The following COL6A3 variants were observed in gnomAD, a reference collection of about 807,000 sequenced individuals.
The protein encoded by COL6A3 is collagen alpha-3(VI) chain.
COL6A3 carries 137 observed loss-of-function variants against 274.1 expected under a neutral mutation model. The ratio of observed to expected loss-of-function variants is 0.50; its 90% CI spans 0.44 to 0.58. The LOEUF is 0.58. COL6A3 is among the 20% of genes least tolerant of loss of function. The pLI is 0.00. For synonymous variants in COL6A3, 1,650 were observed against 1,650.6 expected, an observed-to-expected ratio of 1.00 and a Z score of 0.01; for missense variants, 3,950 against 4,124.9, an observed-to-expected ratio of 0.96 and a Z score of 1.16.
At position 237,382,891 on chromosome 2, in the gene COL6A3, G is replaced by A. The variant is rs190033304; in HGVS notation, c.1313-1392C>T. ...CAACCTCCGCTTCCTGGGTTCAAGC[G>A]ATTCTCCCACCTCAGCCTCCTGAGT... On this transcript the variant is annotated intron_variant, in intron 4 of 43. Transcript: ENST00000295550. Among the ~76,000 whole-genome samples the A allele has an allele frequency of 3.1e-3, 471 of 152,212 alleles. 2 individuals are homozygous for A. Among genetic ancestry groups the A allele is most frequent in the Middle Eastern group, 0.024 (7 of 294 alleles).
In COL6A3 at chr2:237,374,216, T is replaced by A. The variant is rs182945014; in HGVS notation, c.3679+196A>T. Among the ~76,000 whole-genome samples the A allele has an allele frequency of 5.3e-5, 8 of 152,244 alleles. No individual in the cohort carries two copies. Among genetic ancestry groups the A allele is most frequent in the Admixed American group, 3.9e-4 (6 of 15,286 alleles). On this transcript the variant is annotated intron_variant, in intron 8 of 43. Coordinates refer to ENST00000295550, the MANE Select transcript of COL6A3 (RefSeq NM_004369.4). This position sits in a 1 kb window ranked among gnomAD's most constrained non-coding sequence, Gnocchi z 4.8. ...TTGCCCCAAAACATGAATCTTAGCATCTCCCCCCTTGAACCTCTGCCATTT... is the reference window on the plus strand; with the variant it reads ...TTGCCCCAAAACATGAATCTTAGCAACTCCCCCCTTGAACCTCTGCCATTT...
intron 8 of COL6A3, 31 bp from the exon 9 acceptor site, chr2:237,372,368 T>A (rs1465173936): frequency 6.2e-7 from 1 of 1,600,826 alleles, no homozygotes; most frequent in South Asian, 1.1e-5. Context: ...TGGCTTCACC[T>A]TCATCGTCAC....
chr2:237,350,635 T>C (rs1396964970), intron 27 of COL6A3, among the ~76,000 whole-genome samples: 1 of 152,044 alleles, frequency 6.6e-6, no homozygotes, highest in African/African-American at 2.4e-5. Context: ...AGAAAGGAGG[T>C]TCTCAGGCAG....
At chr2:237,382,874 G>A (rs564153351) in intron 4 of COL6A3, among the ~76,000 whole-genome samples, 4 of 152,228 alleles carry the variant, frequency 2.6e-5, no homozygotes, top group East Asian at 3.9e-4. Flanking sequence ...TGCAACCTCC[G>A]CTTCCTGGGT....
rs1368460175 is a variant in COL6A3, at chr2:237,381,107, C to A, written c.1705G>T (p.Ala569Ser). The A allele has an allele frequency of 3.1e-6, 5 of 1,614,134 alleles. No individual in the cohort carries two copies. The highest frequency in any genetic ancestry group is 1.3e-5 in the African/African-American group (1 of 74,944). The change falls in exon 5 of 44, where the codon GCC becomes TCC. Residue 569 changes from alanine to serine, a missense_variant. Around this residue, in one of 5 missense-constraint regions of COL6A3, gnomAD observed 1,934 missense variants for 1,984.3 expected, o/e 0.97. Coordinates refer to ENST00000295550, the MANE Select transcript of COL6A3 (RefSeq NM_004369.4). ...GKSLDEISQPAQELKRSSIMA... is the reference protein window; with the variant it reads ...GKSLDEISQPSQELKRSSIMA... ...ATGCTGCTTCTCTTCAGCTCCTGGG[C>A]AGGCTGGCTGATTTCATCTAGGGAC...
In COL6A3 at chr2:237,360,172, A is replaced by T; in HGVS notation, c.6211-13T>A. ...GACCACGCTCACCCTGTTGTGAGAG[A>T]CAAAGGCATTTTGCAAGCTGGAGCC... On this transcript the variant is annotated splice_polypyrimidine_tract_variant and intron_variant, in intron 16 of 43. Transcript: ENST00000295550. 6.2e-7 allele frequency: 1 copy of T among 1,613,966 alleles called. No individual in the cohort carries two copies. The highest frequency in any genetic ancestry group is 8.5e-7 in the Non-Finnish European group (1 of 1,179,940).
chr2:237,371,473 C>T lies in COL6A3; in HGVS notation c.4285+259G>A, dbSNP rs923861447. On this transcript the variant is annotated intron_variant, in intron 9 of 43. Coordinates refer to ENST00000295550, the MANE Select transcript of COL6A3 (RefSeq NM_004369.4). This position sits in a 1 kb window ranked among gnomAD's most constrained non-coding sequence, Gnocchi z 4.3. ...ATTAGCCGGGCGTGGTGGTATGAAC[C>T]TGTAGTCCTAGCTACTGAGGAGGCT... The T allele has an allele frequency of 1.1e-4, 62 of 588,162 alleles. No individual in the cohort carries two copies. Among genetic ancestry groups the T allele is most frequent in the Non-Finnish European group, 1.4e-4 (55 of 380,186 alleles). The allele number at this position is 588,162 out of a possible 1,614,324, so 36.4% of individuals were successfully genotyped here. A position where few individuals can be genotyped will look rare whatever the true frequency, so the allele number is the denominator to read the frequency against.
chr2:237,351,967 C>A (rs3790998), intron 26 of COL6A3, among the ~76,000 whole-genome samples: 112,293 of 152,160 alleles, frequency 0.74, 41,751 homozygotes, highest in Middle Eastern at 0.85. Flanking sequence ...ATCATCTCAG[C>A]CATGAGGGAA....
Position 237,388,001 on chromosome 2 carries a change from G to T in COL6A3, c.893C>A (p.Thr298Asn). The stretch of plus-strand genomic sequence containing the variant: ...CAGAACCTGGGCCTTGGTGGAGTAG[G>T]TGTCCAAGGAGAACATGGTTCTGGG... ...DEPRTMFSLD[T>N]YSTKAQVLGA... Residue 298 changes from threonine to asparagine, a missense_variant, in exon 4 of 44, where the codon ACC becomes AAC. Thr to Asn is a moderately conservative substitution (Grantham distance 65). Around this residue, in one of 5 missense-constraint regions of COL6A3, gnomAD observed 1,934 missense variants for 1,984.3 expected, o/e 0.97. Coordinates refer to ENST00000295550, the MANE Select transcript of COL6A3 (RefSeq NM_004369.4). The T allele has an allele frequency of 6.2e-7, 1 of 1,614,192 alleles. No homozygotes were observed. Among genetic ancestry groups the T allele is most frequent in the Non-Finnish European group, 8.5e-7 (1 of 1,180,034 alleles).
intron 3 of COL6A3, among the ~76,000 whole-genome samples, chr2:237,392,583 A>G (rs1313207446): frequency 6.6e-6 from 1 of 152,134 alleles, no homozygotes; most frequent in African/African-American, 2.4e-5. Context: ...TGTAGGAGAA[A>G]AATCTGTTCA....
chr2:237,352,979 G>A (rs2077239057), intron 25 of COL6A3, among the ~76,000 whole-genome samples: 1 of 152,194 alleles, frequency 6.6e-6, no homozygotes, highest in South Asian at 2.1e-4. Flanking sequence ...ATGCTGCAAT[G>A]TGGATGAAGC....
chr2:237,359,587 T>C (rs561937202), intron 17 of COL6A3, among the ~76,000 whole-genome samples, 199 bp from the exon 18 acceptor site: 3 of 152,372 alleles, frequency 2.0e-5, no homozygotes, highest in African/African-American at 7.2e-5. Context: ...TAGAACTGAA[T>C]GCTTGGGTGG....
chr2:237,343,567 A>G (rs867980137), intron 36 of COL6A3: 1 of 121,376 alleles, frequency 8.2e-6, no homozygotes, highest in African/African-American at 3.4e-5. Context: ...AAAAAAAAAA[A>G]AAAAAAAAAC....
rs2077934515 is a variant in COL6A3, at chr2:237,379,152, A to T, written c.1981T>A (p.Phe661Ile). The T allele has an allele frequency of 1.2e-6, 2 of 1,614,142 alleles. No homozygotes were observed. The highest frequency in any genetic ancestry group is 1.3e-5 in the African/African-American group (1 of 74,952). The stretch of plus-strand genomic sequence containing the variant: ...AGGCTGTTAACTAGGTTCATTACAA[A>T]GTCGCGCACATAAGGGAAATTGGTT... ...GKTNFPYVRD[F>I]VMNLVNSLDI... is the part of the protein sequence containing the mutation. Residue 661 changes from phenylalanine to isoleucine, a missense_variant, in exon 6 of 44, where the codon TTT (phenylalanine) becomes ATT (isoleucine). This residue lies in a region of COL6A3 where 1,934 missense variants were observed against 1,984.3 expected (regional missense o/e 0.97). Transcript: ENST00000295550.
In COL6A3 at chr2:237,324,137, A is replaced by G. The variant is rs1699810008; in HGVS notation, c.*637T>C. 6.6e-6 allele frequency: 1 copy of G among 152,526 alleles called. No individual in the cohort carries two copies. Among genetic ancestry groups the G allele is most frequent in the Admixed American group, 6.6e-5 (1 of 15,262 alleles). 9.4% of individuals were successfully genotyped at this position (152,526 alleles called of 1,614,324 possible). A position where few individuals can be genotyped will look rare whatever the true frequency, so the allele number is the denominator to read the frequency against. On this transcript the variant is annotated 3_prime_UTR_variant, in exon 44 of 44. Coordinates refer to ENST00000295550, the MANE Select transcript of COL6A3 (RefSeq NM_004369.4). ...AAAAAAAACACACAACATTAGAGGA[A>G]TGCCAAAAATATTCTCTATTACAAC...
At position 237,358,432 on chromosome 2, in the gene COL6A3, C is replaced by A. The variant is rs376866629; in HGVS notation, c.6471+89G>T. On this transcript the variant is annotated intron_variant, in intron 21 of 43. Coordinates refer to ENST00000295550, the MANE Select transcript of COL6A3 (RefSeq NM_004369.4). Reference sequence around the variant, plus strand: ...TTATCAACGTGTTTTAAAGCAATTTCAAAAGTAGAATTCTTCCTTTCATCC... The same window carrying A: ...TTATCAACGTGTTTTAAAGCAATTTAAAAAGTAGAATTCTTCCTTTCATCC... 5.3e-5 allele frequency: 59 copies of A among 1,119,802 alleles called. No individual in the cohort carries two copies. The East Asian group carries it at 1.3e-3, about 24-fold the overall frequency. 69.4% of individuals were successfully genotyped at this position (1,119,802 alleles called of 1,614,324 possible). A position where few individuals can be genotyped will look rare whatever the true frequency, so the allele number is the denominator to read the frequency against.
rs1225275614 is a variant in COL6A3, at chr2:237,376,761, C to T, written c.3070+11G>A. ...CTGAGTGGCAGAGCAACTAGCATTT[C>T]TCTACCATACCTGGTGCTGGTGCTC... On this transcript the variant is annotated intron_variant, in intron 7 of 43. Coordinates refer to ENST00000295550, the MANE Select transcript of COL6A3 (RefSeq NM_004369.4). 1.2e-6 allele frequency: 2 copies of T among 1,614,040 alleles called. No individual in the cohort carries two copies. Among genetic ancestry groups the T allele is most frequent in the Non-Finnish European group, 8.5e-7 (1 of 1,179,900 alleles).
chr2:237,406,772 T>C (rs905231507), intron 1 of COL6A3, among the ~76,000 whole-genome samples: 16 of 152,170 alleles, frequency 1.1e-4, no homozygotes, highest in Non-Finnish European at 1.6e-4. Flanking sequence ...CTCTTGGTGT[T>C]TGAAAGACCC....
In COL6A3 at chr2:237,350,225, A is replaced by T. The variant is rs1224392743; in HGVS notation, c.6817-16T>A. 6.2e-7 allele frequency: 1 copy of T among 1,613,782 alleles called. No individual in the cohort carries two copies. Among genetic ancestry groups the T allele is most frequent in the Non-Finnish European group, 8.5e-7 (1 of 1,179,818 alleles). On this transcript the variant is annotated splice_polypyrimidine_tract_variant and intron_variant, in intron 27 of 43. Coordinates refer to ENST00000295550, the MANE Select transcript of COL6A3 (RefSeq NM_004369.4). ...CGGGCTCACCCTAGACATGAGAAAC[A>T]TGGCTGAGACCCTGTGGCCTGGGGC...
Sources: allele counts gnomAD v4.1 joint callset (sites outside exome capture counted in the v4.1 genomes callset), GRCh38; gene constraint gnomAD v4.1.1; regional missense constraint gnomAD v4.1.1; non-coding constraint Gnocchi (gnomAD v3.1); transcripts MANE v1.5; gene names NCBI Gene and HGNC (gene_info 2026-07-23, HGNC 2026-07-21).